The following CHAT variants were observed in gnomAD, a reference collection of about 807,000 sequenced individuals.
The protein encoded by CHAT is acetyl CoA:choline O-acetyltransferase.
In CHAT, 61 loss-of-function variants were observed where a neutral mutation model predicts 76.9. The ratio of observed to expected loss-of-function variants is 0.79; its 90% CI spans 0.65 to 0.98. CHAT has a LOEUF of 0.98. Ranked by LOEUF, CHAT falls within the 50% of genes least tolerant of loss-of-function variation. The pLI is 0.00. For synonymous variants in CHAT, 407 were observed against 397.4 expected (o/e 1.02, Z -0.29); for missense variants, 946 against 986.9 (o/e 0.96, Z 0.56).
At chr10:49,634,065 T>C (rs537286228) in intron 7 of CHAT, among the ~76,000 whole-genome samples, 1 of 152,238 alleles carries the variant, frequency 6.6e-6, no homozygotes, top group Admixed American at 6.5e-5. Flanking sequence ...GGCCCAGAAA[T>C]ACCTCCCGAG....
At chr10:49,640,684 C>G (rs918424668) in intron 7 of CHAT, among the ~76,000 whole-genome samples, 3 of 151,918 alleles carry the variant, frequency 2.0e-5, no homozygotes, top group African/African-American at 7.3e-5. Flanking sequence ...CATCTGGGCT[C>G]TCCACTTGGC....
intron 11 of CHAT, among the ~76,000 whole-genome samples, chr10:49,652,962 C>T (rs1208960709): frequency 1.3e-5 from 2 of 152,208 alleles, no homozygotes; most frequent in Admixed American, 1.3e-4. Flanking sequence ...CCCCTTGCCA[C>T]CCATTCTCTG....
chr10:49,617,006 G>A (rs1053805477), intron 2 of CHAT, among the ~76,000 whole-genome samples: 1 of 152,106 alleles, frequency 6.6e-6, no homozygotes, highest in African/African-American at 2.4e-5. Flanking sequence ...TTCAGCCTTG[G>A]AGCCTTAGGC....
upstream of CHAT, chr10:49,612,039 G>A (rs769077516): frequency 3.1e-6 from 5 of 1,613,580 alleles, no homozygotes; most frequent in Middle Eastern, 1.6e-4. Flanking sequence ...TGGCCTACGC[G>A]CTCGGGCCCA....
rs191046867 is a variant in CHAT at position 49,616,707 on chromosome 10, C to T, written c.387+105C>T. 5.9e-3 allele frequency: 4,726 copies of T among 806,650 alleles called. 21 individuals are homozygous for T. Among genetic ancestry groups the T allele is most frequent in the Non-Finnish European group, 8.0e-3 (3,811 of 475,322 alleles). The allele number at this position is 806,650 out of a possible 1,614,324, so 50.0% of individuals were successfully genotyped here. On this transcript the variant is annotated intron_variant, in intron 2 of 14. Transcript: ENST00000337653. ...ACTGGCCCCCAGCATTTGCCTGGCC[C>T]CAGCCCTGCCCTCTACTGGCACAAG... is the stretch of plus-strand genomic sequence containing the variant.
chr10:49,641,136 A>G (rs376269686), intron 7 of CHAT, among the ~76,000 whole-genome samples: 2 of 152,322 alleles, frequency 1.3e-5, no homozygotes, highest in South Asian at 2.1e-4. Flanking sequence ...CATGCTTGGT[A>G]TCTCCTCTTC....
At chr10:49,648,213 C>G (rs1346820243) in intron 8 of CHAT, among the ~76,000 whole-genome samples, 1 of 152,162 alleles carries the variant, frequency 6.6e-6, no homozygotes, top group East Asian at 1.9e-4. Context: ...TGGGCAGACT[C>G]GTCCTGAGGA....
intron 7 of CHAT, 32 bp downstream of exon 7, chr10:49,627,817 C>T: frequency 6.2e-7 from 1 of 1,606,542 alleles, no homozygotes; most frequent in South Asian, 1.1e-5. Flanking sequence ...ATCTCCATGC[C>T]CATCTCATGC....
Position 49,626,144 on chromosome 10 carries a change from A to C in CHAT, c.933+491A>C, listed in dbSNP as rs563155399. Among the ~76,000 whole-genome samples, 3 of 152,280 alleles carry C rather than the reference A, an allele frequency of 2.0e-5. No individual in the cohort carries two copies. In the East Asian group the frequency reaches 5.8e-4, roughly 29 times the overall value. Reference sequence around the variant, plus strand: ...ACAGTTGAGGACATGAGACTCAGACAAGTTAAGTGGTCTGTCCAAGAGTGG... The same window carrying C: ...ACAGTTGAGGACATGAGACTCAGACCAGTTAAGTGGTCTGTCCAAGAGTGG... On this transcript the variant is annotated intron_variant, in intron 6 of 14. Coordinates refer to ENST00000337653, the MANE Select transcript of CHAT (RefSeq NM_020549.5).
At position 49,649,515 on chromosome 10, in the gene CHAT, A is replaced by G. The variant is rs1339834069; in HGVS notation, c.1390A>G (p.Ser464Gly). The G allele has an allele frequency of 6.2e-7, 1 of 1,613,848 alleles. No individual in the cohort carries two copies. The highest frequency in any genetic ancestry group is 1.7e-5 in the Admixed American group (1 of 60,030). The change falls in exon 10 of 15, where the codon AGC (serine) becomes GGC (glycine). Residue 464 changes from serine to glycine, a missense_variant. This residue lies in a region of CHAT where 349 missense variants were observed against 393.9 expected (regional missense o/e 0.89). Coordinates refer to ENST00000337653, the MANE Select transcript of CHAT (RefSeq NM_020549.5). Reference sequence around the variant, plus strand: ...TTGCCTCTGTGCCCGCAGGACGCAGAGCAGCAGGAAGCTGATCCGAGCAGA... The same window carrying G: ...TTGCCTCTGTGCCCGCAGGACGCAGGGCAGCAGGAAGCTGATCCGAGCAGA... ...TEHLLKHVTQSSRKLIRADSV... is the reference protein window; with the variant it reads ...TEHLLKHVTQGSRKLIRADSV...
At chr10:49,652,038 G>A in intron 11 of CHAT, 32 bp downstream of exon 11, 1 of 1,614,040 alleles carries the variant, frequency 6.2e-7, no homozygotes. Context: ...CTGTACCCTG[G>A]AGGGCTGACG....
Position 49,665,173 on chromosome 10 carries a change from T to C in CHAT, c.*127T>C, listed in dbSNP as rs1255613275. 8 of 983,616 alleles carry C rather than the reference T, an allele frequency of 8.1e-6. No homozygotes were observed. Among genetic ancestry groups the C allele is most frequent in the Admixed American group, 5.3e-5 (3 of 56,226 alleles). The allele number at this position is 983,616 out of a possible 1,614,324, so 60.9% of individuals were successfully genotyped here. The stretch of plus-strand genomic sequence containing the variant: ...TCCTCAGGGTCCAACTCACAGACCA[T>C]ACAGAGACATCACACAGAGCCGGAG... On this transcript the variant is annotated 3_prime_UTR_variant, in exon 15 of 15. Transcript: ENST00000337653.
At chr10:49,660,986 C>T (rs555087267) in intron 13 of CHAT, among the ~76,000 whole-genome samples, 2 of 152,178 alleles carry the variant, frequency 1.3e-5, no homozygotes, top group Non-Finnish European at 2.9e-5. Flanking sequence ...CTATGTTTTC[C>T]CTTCCTCACA....
chr10:49,614,015 T>C (rs1375975639), upstream of CHAT: 1 of 1,153,142 alleles, frequency 8.7e-7, no homozygotes, highest in African/African-American at 1.5e-5. Flanking sequence ...AATAATGGGG[T>C]TGGGGAAGTG....
chr10:49,653,096 G>A (rs978381006), intron 11 of CHAT, among the ~76,000 whole-genome samples: 3 of 151,824 alleles, frequency 2.0e-5, no homozygotes, highest in Admixed American at 2.0e-4. Flanking sequence ...TGGGCATCTC[G>A]CATGCCTCTG....
At position 49,666,900 on chromosome 10, in the gene CHAT, C is replaced by T. The variant is rs1442629189; in HGVS notation, c.*1854C>T. ...TGGCCCAAAGCTACTTGTCTGTTCT[C>T]TCCAAGTGACCACAGTGCAGATCTG... is the stretch of plus-strand genomic sequence containing the variant. On this transcript the variant is annotated 3_prime_UTR_variant, in exon 15 of 15. Coordinates refer to ENST00000337653, the MANE Select transcript of CHAT (RefSeq NM_020549.5). Among the ~76,000 whole-genome samples, 1 of 152,206 alleles carries T rather than the reference C, an allele frequency of 6.6e-6. No individual in the cohort carries two copies. Among genetic ancestry groups the T allele is most frequent in the Non-Finnish European group, 1.5e-5 (1 of 68,030 alleles).
rs1590562537 is a variant in CHAT at position 49,620,219 on chromosome 10, G to A, written c.580-276G>A. 2.0e-5 allele frequency among the ~76,000 whole-genome samples: 3 copies of A among 151,910 alleles called. No homozygotes were observed. The South Asian group carries it at 6.2e-4, about 32-fold the overall frequency. On this transcript the variant is annotated intron_variant, in intron 3 of 14. Coordinates refer to ENST00000337653, the MANE Select transcript of CHAT (RefSeq NM_020549.5). ...CATTAGGAAAGAAGAGAGGGTGAAA[G>A]GCAGGAAGAAGACACCTGTAAGGAC...
At chr10:49,650,013 G>A (rs1274189997) in intron 10 of CHAT, among the ~76,000 whole-genome samples, 3 of 151,662 alleles carry the variant, frequency 2.0e-5, no homozygotes, top group African/African-American at 7.3e-5. Context: ...TTGCTTGAAT[G>A]TACAGTGCAA....
chr10:49,627,981 A>G (rs1838985450), intron 7 of CHAT, among the ~76,000 whole-genome samples, 196 bp downstream of exon 7: 1 of 151,530 alleles, frequency 6.6e-6, no homozygotes, highest in South Asian at 2.1e-4. Flanking sequence ...TCCATCTGAC[A>G]GTATCTGGCT....
Sources: allele counts gnomAD v4.1 joint callset (sites outside exome capture counted in the v4.1 genomes callset), GRCh38; gene constraint gnomAD v4.1.1; regional missense constraint gnomAD v4.1.1; transcripts MANE v1.5; gene names NCBI Gene and HGNC (gene_info 2026-07-23, HGNC 2026-07-21).